The following SPINK6 variants were observed in gnomAD, a reference collection of about 807,000 sequenced individuals.
SPINK6 encodes serine protease inhibitor Kazal-type 6.
In SPINK6, 13 loss-of-function variants were observed where a neutral mutation model predicts 11.7. The observed-to-expected ratio is 1.11, with a 90% CI of 0.72 to 1.76. SPINK6 has a LOEUF of 1.76. SPINK6 is among the 40% of genes most tolerant of loss of function. The pLI is 0.00. For missense variants in SPINK6, 98 were observed against 93.7 expected (o/e 1.05, Z -0.19); for synonymous variants, 21 against 31.9 (o/e 0.66, Z 1.15).
Position 148,215,072 on chromosome 5 carries a change from TGAG to T in SPINK6, c.*126_*128del. 1 of 846,298 alleles carries T rather than the reference TGAG, an allele frequency of 1.2e-6. No homozygotes were observed. The highest frequency in any genetic ancestry group is 1.9e-6 in the Non-Finnish European group (1 of 524,996). 52.4% of individuals were successfully genotyped at this position (846,298 alleles called of 1,614,324 possible). On this transcript the variant is annotated 3_prime_UTR_variant, in exon 4 of 4. Coordinates refer to ENST00000325630, the MANE Select transcript of SPINK6 (RefSeq NM_205841.4). ...AGACATACCTACTCTGCCTGGGTCT[TGAG>T]GAGTTCAATGTATGTCTATTTCTCT...
chr5:148,209,976 G>GCATGTATACATACATACGTACA (rs1755552179), intron 2 of SPINK6, among the ~76,000 whole-genome samples: 1 of 118,178 alleles, frequency 8.5e-6, no homozygotes. Flanking sequence ...ACATACGTAC[G>GCATGTATACATACATACGTACA]TATGTATGTA....
upstream of SPINK6, chr5:148,202,849 T>A (rs1300809079): frequency 5.3e-6 from 2 of 380,948 alleles, no homozygotes; most frequent in African/African-American, 4.2e-5. Flanking sequence ...TAGGAAAATG[T>A]AGGCTACCAG....
intron 3 of SPINK6, 107 bp downstream of exon 3, chr5:148,214,132 A>C: frequency 1.8e-6 from 1 of 547,854 alleles, no homozygotes; most frequent in Non-Finnish European, 3.1e-6. Flanking sequence ...CTCCCCATAG[A>C]GACTGAAGAA....
chr5:148,209,840 G>GGAAAAAAT (rs1230105371), intron 2 of SPINK6, among the ~76,000 whole-genome samples: 2 of 150,574 alleles, frequency 1.3e-5, no homozygotes, highest in Non-Finnish European at 3.0e-5. Flanking sequence ...CATGAAAAAT[G>GGAAAAAAT]GAAAAAATGG....
chr5:148,205,692 G>A (rs1755487892), intron 1 of SPINK6, among the ~76,000 whole-genome samples: 1 of 152,180 alleles, frequency 6.6e-6, no homozygotes, highest in South Asian at 2.1e-4. Flanking sequence ...CTTCTCCACA[G>A]TGAGACCAGC....
At chr5:148,212,704 CA>C (rs553734146) in intron 2 of SPINK6, among the ~76,000 whole-genome samples, 12 of 104,156 alleles carry the variant, frequency 1.2e-4, no homozygotes, top group African/African-American at 5.2e-4. Context: ...TATATTTATA[CA>C]ATATATAGTT....
intron 2 of SPINK6, among the ~76,000 whole-genome samples, chr5:148,212,648 A>G (rs1468231750): frequency 1.2e-3 from 124 of 106,818 alleles, no homozygotes; most frequent in Non-Finnish European, 1.3e-3. Context: ...TATAATATAA[A>G]TATATATATT....
chr5:148,210,806 A>G (rs1461245887), intron 2 of SPINK6, among the ~76,000 whole-genome samples: 1 of 152,112 alleles, frequency 6.6e-6, no homozygotes, highest in Admixed American at 6.6e-5. Flanking sequence ...AACAACCAAT[A>G]GATGTATTCT....
chr5:148,213,782 T>C, intron 2 of SPINK6, 128 bp from the exon 3 acceptor site: 1 of 594,698 alleles, frequency 1.7e-6, no homozygotes, highest in Non-Finnish European at 3.1e-6. Context: ...AGCTATTTTA[T>C]ATTTCAGAAT....
rs747056972 is a variant in SPINK6, at chr5:148,214,070, TC to T, written c.197+47del. 1.4e-5 allele frequency: 17 copies of T among 1,212,822 alleles called. No individual in the cohort carries two copies. In the South Asian group the frequency reaches 2.0e-4, roughly 14 times the overall value. The allele number at this position is 1,212,822 out of a possible 1,614,324, so 75.1% of individuals were successfully genotyped here. ...AAGCTGACCCTTGCAAACACAAACT[TC>T]CATAATAAGACTAAGACACTTTTTC... On this transcript the variant is annotated intron_variant, in intron 3 of 3. Transcript: ENST00000325630.
intron 2 of SPINK6, among the ~76,000 whole-genome samples, chr5:148,212,761 A>G (rs1755629449): frequency 8.1e-6 from 1 of 124,098 alleles, no homozygotes; most frequent in African/African-American, 3.3e-5. Flanking sequence ...TATATAAAGT[A>G]TATATTGTAT....
Position 148,206,047 on chromosome 5 carries a change from C to G in SPINK6, c.70C>G (p.Gln24Glu). Residue 24 changes from glutamine (Q) to glutamate (E), a missense_variant, in exon 2 of 4, where the codon CAG (glutamine) becomes GAG (glutamate). By Grantham distance (29) the Gln-to-Glu change is conservative. Transcript: ENST00000325630. The part of the protein sequence containing the change: ...LFCFLTGVFS[Q>E]GGQVDCGEFQ... ...TGCTTTTCTTTCAGGTGTCTTCAGT[C>G]AGGGAGGACAGGTCAGTGCCTATTT... 1 of 1,614,012 alleles carries G rather than the reference C, an allele frequency of 6.2e-7. No individual in the cohort carries two copies. The highest frequency in any genetic ancestry group is 8.5e-7 in the Non-Finnish European group (1 of 1,179,952).
At chr5:148,207,130 GTAT>G (rs775947129) in intron 2 of SPINK6, among the ~76,000 whole-genome samples, 2 of 151,886 alleles carry the variant, frequency 1.3e-5, no homozygotes, top group Non-Finnish European at 2.9e-5. Flanking sequence ...CCTTCAAGTT[GTAT>G]TATTATGTTT....
chr5:148,203,151 A>G lies in SPINK6; in HGVS notation c.55A>G (p.Thr19Ala), dbSNP rs2113303910. ...LLSLALFCFL[T>A]GVFSQGGQVD... ...CTCTCTGGCTCTTTTCTGCTTTTTA[A>G]CAGGTAAGTTTTTTCTTAAAATTAA... The change falls in exon 1 of 4, where the codon ACA (threonine) becomes GCA (alanine). Residue 19 changes from threonine to alanine, a missense_variant. Coordinates refer to ENST00000325630, the MANE Select transcript of SPINK6 (RefSeq NM_205841.4). The G allele has an allele frequency of 6.2e-7, 1 of 1,610,216 alleles. No individual in the cohort carries two copies. Among genetic ancestry groups the G allele is most frequent in the African/African-American group, 1.3e-5 (1 of 74,742 alleles).
chr5:148,202,950 T>G (rs1227483055), upstream of SPINK6: 4 of 504,150 alleles, frequency 7.9e-6, no homozygotes, highest in East Asian at 1.2e-4. Context: ...TGAAGCATTT[T>G]TTTAATGTGT....
At chr5:148,214,116 C>T (rs773682132) in intron 3 of SPINK6, 91 bp downstream of exon 3, 1 of 673,278 alleles carries the variant, frequency 1.5e-6, no homozygotes, top group Non-Finnish European at 2.5e-6. Context: ...TAGAAAACAC[C>T]CATACCTCCC....
intron 2 of SPINK6, 58 bp from the exon 3 acceptor site, chr5:148,213,852 C>A: frequency 2.3e-6 from 2 of 878,990 alleles, no homozygotes; most frequent in Non-Finnish European, 3.8e-6. Flanking sequence ...AGCTTCTGTT[C>A]TGAAGGATGG....
intron 2 of SPINK6, among the ~76,000 whole-genome samples, chr5:148,209,035 T>C (rs143419177): frequency 4.8e-4 from 73 of 152,356 alleles, no homozygotes; most frequent in African/African-American, 1.6e-3. Context: ...TACTTAAGTT[T>C]ATTTTTGCTT....
At chr5:148,209,906 C>T (rs1370204338) in intron 2 of SPINK6, among the ~76,000 whole-genome samples, 4 of 52,816 alleles carry the variant, frequency 7.6e-5, no homozygotes, top group Non-Finnish European at 2.3e-4. Context: ...TTGTACTTTG[C>T]ACATAAATGT....
Sources: allele counts gnomAD v4.1 joint callset (sites outside exome capture counted in the v4.1 genomes callset), GRCh38; gene constraint gnomAD v4.1.1; transcripts MANE v1.5; gene names NCBI Gene and HGNC (gene_info 2026-07-23, HGNC 2026-07-21).